Variants in OXR1 observed in about 807,000 individuals in gnomAD.
The protein encoded by OXR1 is oxidation resistance protein 1.
Under a neutral mutation model 104.6 loss-of-function variants are expected in OXR1, and 41 were observed. The observed-to-expected ratio is 0.39, with a 90% CI of 0.31 to 0.51. The LOEUF is 0.51. Among genes scored for constraint, OXR1 ranks in the 20% least tolerant of loss-of-function variants. The pLI, the probability that OXR1 is intolerant of heterozygous loss-of-function variation, is 0.77. For missense variants in OXR1, 955 were observed against 1,031.9 expected (o/e 0.93, Z 1.02); for synonymous variants, 348 against 348.4 (o/e 1.00, Z 0.01).
chr8:106,420,008 G>A lies in OXR1; in HGVS notation c.23+60372G>A, dbSNP rs576834282. 3.3e-5 allele frequency among the ~76,000 whole-genome samples: 5 copies of A among 152,170 alleles called. No homozygotes were observed. In the South Asian group the frequency reaches 1.0e-3, roughly 32 times the overall value. On this transcript the variant is annotated intron_variant, in intron 2 of 16. Coordinates refer to ENST00000517566, the MANE Select transcript of OXR1 (RefSeq NM_001198533.2). ...CTTCTTAGGGCAGAAAGGAAGGAAA[G>A]CATTTTTATGTAAAGAGGAGGAAAA...
At chr8:106,315,994 T>C (rs1298630205) in intron 1 of OXR1, among the ~76,000 whole-genome samples, 2 of 152,196 alleles carry the variant, frequency 1.3e-5, no homozygotes, top group African/African-American at 4.8e-5. Context: ...AGATAATCTA[T>C]AGGTTAGACC....
intron 2 of OXR1, among the ~76,000 whole-genome samples, chr8:106,477,380 C>A (rs1447368943): frequency 6.6e-6 from 1 of 151,840 alleles, no homozygotes; most frequent in Non-Finnish European, 1.5e-5. Flanking sequence ...GAGGTGGGTA[C>A]AAAATTATTA....
intron 14 of OXR1, among the ~76,000 whole-genome samples, chr8:106,741,811 TATC>T (rs1834941786): frequency 6.6e-6 from 1 of 151,996 alleles, no homozygotes; most frequent in Admixed American, 6.6e-5. Context: ...AAAGAAAAAA[TATC>T]ATATTTTAAA....
At chr8:106,302,304 C>G (rs912096140) in intron 1 of OXR1, among the ~76,000 whole-genome samples, 2 of 152,134 alleles carry the variant, frequency 1.3e-5, no homozygotes, top group East Asian at 3.9e-4. Flanking sequence ...AATAATCAGC[C>G]GAGCGCGGTG....
At chr8:106,289,176 C>G (rs1812640344) in intron 1 of OXR1, among the ~76,000 whole-genome samples, 1 of 152,096 alleles carries the variant, frequency 6.6e-6, no homozygotes, top group Non-Finnish European at 1.5e-5. Context: ...TTAGCCAAAG[C>G]AATCAGGCAA....
chr8:106,336,908 G>T (rs755377771), intron 1 of OXR1, among the ~76,000 whole-genome samples: 1 of 152,116 alleles, frequency 6.6e-6, no homozygotes, highest in South Asian at 2.1e-4. Flanking sequence ...TAGATACTGA[G>T]CTAATTCAAA....
At chr8:106,523,000 AG>A (rs1389581190) in intron 3 of OXR1, among the ~76,000 whole-genome samples, 11 of 152,184 alleles carry the variant, frequency 7.2e-5, no homozygotes, top group Non-Finnish European at 1.2e-4. Flanking sequence ...AGTTTCAACC[AG>A]GGGAAAAATT....
At chr8:106,284,442 A>G (rs1396685526) in intron 1 of OXR1, among the ~76,000 whole-genome samples, 1 of 152,090 alleles carries the variant, frequency 6.6e-6, no homozygotes. Context: ...GAGGCTAAGG[A>G]TTTTGGTCTT....
chr8:106,715,978 A>G (rs796327589), intron 11 of OXR1, among the ~76,000 whole-genome samples: 4 of 152,358 alleles, frequency 2.6e-5, no homozygotes, highest in East Asian at 1.9e-4. Flanking sequence ...AGCACTAGCC[A>G]TATGTGGCTA....
At chr8:106,505,232 A>T (rs1230039914) in intron 2 of OXR1, among the ~76,000 whole-genome samples, 1 of 152,216 alleles carries the variant, frequency 6.6e-6, no homozygotes, top group African/African-American at 2.4e-5. Context: ...GAGAAAATAA[A>T]CATAACCACA....
intron 3 of OXR1, among the ~76,000 whole-genome samples, chr8:106,551,418 C>A (rs1815794121): frequency 6.6e-6 from 1 of 152,030 alleles, no homozygotes; most frequent in African/African-American, 2.4e-5. Context: ...AATATATAAA[C>A]TTTTAATTAG....
intron 3 of OXR1, among the ~76,000 whole-genome samples, chr8:106,659,622 G>T (rs1825545971): frequency 1.3e-5 from 2 of 152,196 alleles, no homozygotes; most frequent in South Asian, 4.1e-4. Flanking sequence ...CCTTGAAATG[G>T]GTGGAGAATT....
chr8:106,694,454 A>G (rs1355989476), intron 7 of OXR1, among the ~76,000 whole-genome samples: 1 of 133,998 alleles, frequency 7.5e-6, no homozygotes, highest in Non-Finnish European at 1.5e-5. Flanking sequence ...TTTTATATAT[A>G]TTTGATATAT....
chr8:106,618,865 T>A (rs1421474121), intron 3 of OXR1, among the ~76,000 whole-genome samples: 1 of 133,644 alleles, frequency 7.5e-6, no homozygotes, highest in Non-Finnish European at 1.7e-5. Context: ...AATAGGAGGA[T>A]TTTTTTTTTT....
chr8:106,705,748 C>A (rs946758311), intron 8 of OXR1, among the ~76,000 whole-genome samples: 1 of 152,078 alleles, frequency 6.6e-6, no homozygotes. Context: ...CAGTTATGAA[C>A]CATTCATTTG....
intron 2 of OXR1, among the ~76,000 whole-genome samples, chr8:106,375,371 C>T (rs1358911774): frequency 2.0e-5 from 3 of 152,136 alleles, no homozygotes; most frequent in Admixed American, 2.0e-4. Flanking sequence ...TCATTGTTTA[C>T]TTCTAGGTTC....
chr8:106,472,172 T>G (rs903270637), intron 2 of OXR1, among the ~76,000 whole-genome samples: 6 of 151,854 alleles, frequency 4.0e-5, no homozygotes, highest in African/African-American at 1.4e-4. Flanking sequence ...TGAGTGATGT[T>G]TCCACATCAC....
intron 1 of OXR1, among the ~76,000 whole-genome samples, chr8:106,312,062 A>G (rs1038996337): frequency 6.6e-6 from 1 of 151,222 alleles, no homozygotes; most frequent in African/African-American, 2.4e-5. Flanking sequence ...GAGGGAGCAG[A>G]GGCTAACTTG....
chr8:106,462,505 G>A (rs938583496), intron 2 of OXR1, among the ~76,000 whole-genome samples: 1 of 152,020 alleles, frequency 6.6e-6, no homozygotes, highest in Non-Finnish European at 1.5e-5. Flanking sequence ...CAAGACCTTG[G>A]ATAAGCTATT....
Sources: gnomAD v4.1 joint callset for allele counts (sites outside exome capture counted in the v4.1 genomes callset) on GRCh38, gnomAD v4.1.1 for gene constraint, MANE v1.5 for transcripts, NCBI Gene and HGNC (gene_info 2026-07-23, HGNC 2026-07-21) for gene names.